Variants in EPHA3 observed in about 807,000 individuals in gnomAD.
EPHA3 encodes EPH receptor A3, also known as ephrin type-A receptor 3.
Under a neutral mutation model 107.1 loss-of-function variants are expected in EPHA3, and 42 were observed. That is an observed-to-expected ratio of 0.39 (90% confidence interval 0.31 to 0.51). The LOEUF (loss-of-function observed/expected upper bound fraction) is 0.51. Among genes scored for constraint, EPHA3 ranks in the 20% least tolerant of loss-of-function variants. The pLI is 0.78. For missense variants in EPHA3, 1,183 were observed against 1,211.2 expected (o/e 0.98, Z 0.35); for synonymous variants, 461 against 424.8 (o/e 1.09, Z -1.05).
intron 2 of EPHA3, among the ~76,000 whole-genome samples, chr3:89,147,514 A>C (rs2107033441): frequency 6.6e-6 from 1 of 152,020 alleles, no homozygotes; most frequent in South Asian, 2.1e-4. Context: ...ACACTGCAAA[A>C]GTTACAGCCA....
At chr3:89,144,870 T>A (rs1228050025) in intron 2 of EPHA3, among the ~76,000 whole-genome samples, 1 of 151,700 alleles carries the variant, frequency 6.6e-6, no homozygotes, top group Non-Finnish European at 1.5e-5. Context: ...ATAGGCATAA[T>A]TTACCAATTG....
At position 89,458,088 on chromosome 3, in the gene EPHA3, G is replaced by A. The variant is rs1361631558; in HGVS notation, c.2690+7718G>A. On this transcript the variant is annotated intron_variant, in intron 15 of 16. Transcript: ENST00000336596. ...AAGAAACTAATTTAAATGTTTGAAT[G>A]CCTCCTGTTTCCATTGTATGTAACA... Among the ~76,000 whole-genome samples, 3 of 152,266 alleles carry A rather than the reference G, an allele frequency of 2.0e-5. No individual in the cohort carries two copies. In the East Asian group the frequency reaches 5.8e-4, roughly 29 times the overall value.
intron 3 of EPHA3, among the ~76,000 whole-genome samples, chr3:89,222,417 G>A (rs566055961): frequency 2.3e-4 from 33 of 145,114 alleles, no homozygotes; most frequent in African/African-American, 7.6e-4. Flanking sequence ...ACACACACAT[G>A]CATGTAAATA....
chr3:89,338,734 G>C (rs1266209460), intron 3 of EPHA3, among the ~76,000 whole-genome samples: 1 of 152,010 alleles, frequency 6.6e-6, no homozygotes, highest in Non-Finnish European at 1.5e-5. Flanking sequence ...TTTTTAGTAG[G>C]GACGGGGTTT....
intron 1 of EPHA3, 76 bp from the exon 2 acceptor site, chr3:89,127,133 C>G: frequency 9.1e-7 from 1 of 1,102,668 alleles, no homozygotes; most frequent in East Asian, 2.4e-5. Flanking sequence ...CAACAACAGA[C>G]AATGTGAACT....
intron 3 of EPHA3, among the ~76,000 whole-genome samples, chr3:89,340,239 C>T (rs1436403099): frequency 6.6e-6 from 1 of 152,050 alleles, no homozygotes. Flanking sequence ...TAAAAGAGCT[C>T]TCATCTAGTA....
chr3:89,409,144 T>C (rs565264466), intron 9 of EPHA3, among the ~76,000 whole-genome samples: 1 of 152,188 alleles, frequency 6.6e-6, no homozygotes, highest in South Asian at 2.1e-4. Context: ...AAGCATTATT[T>C]TGTTCATCCA....
intron 15 of EPHA3, among the ~76,000 whole-genome samples, chr3:89,463,129 A>T (rs201005365): frequency 4.5e-3 from 32 of 7,184 alleles, no homozygotes; most frequent in Admixed American, 9.0e-3. Flanking sequence ...GCTGGATTAC[A>T]TTTATTGATT....
At chr3:89,285,956 A>C (rs985199420) in intron 3 of EPHA3, among the ~76,000 whole-genome samples, 1 of 152,110 alleles carries the variant, frequency 6.6e-6, no homozygotes, top group Non-Finnish European at 1.5e-5. Flanking sequence ...TCAGGCAATC[A>C]TGATAGATGA....
intron 5 of EPHA3, among the ~76,000 whole-genome samples, chr3:89,372,963 T>C (rs1031953383): frequency 4.6e-5 from 7 of 151,940 alleles, no homozygotes; most frequent in Admixed American, 4.6e-4. Flanking sequence ...CAAATACATA[T>C]ATCTTGATTA....
At chr3:89,436,779 G>A (rs1334779373) in intron 13 of EPHA3, among the ~76,000 whole-genome samples, 1 of 152,104 alleles carries the variant, frequency 6.6e-6, no homozygotes, top group African/African-American at 2.4e-5. Flanking sequence ...ACTGTCTTAG[G>A]TGTATCACAA....
chr3:89,322,402 C>T (rs1367702622), intron 3 of EPHA3, among the ~76,000 whole-genome samples: 1 of 151,996 alleles, frequency 6.6e-6, no homozygotes, highest in Non-Finnish European at 1.5e-5. Context: ...TCAGTGTCAA[C>T]ATGATATAAA....
At chr3:89,124,601 T>A (rs1429709966) in intron 1 of EPHA3, among the ~76,000 whole-genome samples, 7 of 152,096 alleles carry the variant, frequency 4.6e-5, no homozygotes, top group Non-Finnish European at 1.0e-4. Context: ...AAATACAATT[T>A]AGAAGCCACA....
At chr3:89,471,523 C>T (rs1298813894) in intron 15 of EPHA3, among the ~76,000 whole-genome samples, 2 of 152,066 alleles carry the variant, frequency 1.3e-5, no homozygotes, top group Non-Finnish European at 2.9e-5. Context: ...CATGTGCCAC[C>T]ATGGCTAATT....
chr3:89,197,945 C>T (rs369732243), intron 2 of EPHA3, among the ~76,000 whole-genome samples: 48 of 152,098 alleles, frequency 3.2e-4, no homozygotes, highest in African/African-American at 1.1e-3. Flanking sequence ...CACTGTACTC[C>T]AGCCTGGGTG....
chr3:89,230,566 AT>A (rs1200383370), intron 3 of EPHA3, among the ~76,000 whole-genome samples: 1 of 152,046 alleles, frequency 6.6e-6, no homozygotes, highest in Admixed American at 6.6e-5. Context: ...ATCTATCCAA[AT>A]TCTTCTTTCT....
intron 2 of EPHA3, among the ~76,000 whole-genome samples, chr3:89,185,553 T>C (rs1401903845): frequency 6.6e-6 from 1 of 152,118 alleles, no homozygotes; most frequent in African/African-American, 2.4e-5. Flanking sequence ...TCTACGTTTT[T>C]CACTGCTGGC....
At chr3:89,190,369 A>G (rs1309055240) in intron 2 of EPHA3, among the ~76,000 whole-genome samples, 1 of 152,236 alleles carries the variant, frequency 6.6e-6, no homozygotes, top group Non-Finnish European at 1.5e-5. Context: ...CAGTCATTTC[A>G]GAGAACAATA....
chr3:89,458,815 G>A (rs1004808132), intron 15 of EPHA3, among the ~76,000 whole-genome samples: 6 of 152,116 alleles, frequency 3.9e-5, no homozygotes, highest in Admixed American at 6.6e-5. Flanking sequence ...TAAAGAAAAC[G>A]TAGCACATAT....
Sources: gnomAD v4.1 joint callset for allele counts (sites outside exome capture counted in the v4.1 genomes callset) on GRCh38, gnomAD v4.1.1 for gene constraint, MANE v1.5 for transcripts, NCBI Gene and HGNC (gene_info 2026-07-23, HGNC 2026-07-21) for gene names.